Variants in INPP5A observed in about 807,000 individuals in gnomAD.
The protein encoded by INPP5A is inositol polyphosphate-5-phosphatase A.
In INPP5A, 14 loss-of-function variants were observed where a neutral mutation model predicts 65.2. The ratio of observed to expected loss-of-function variants is 0.21; its 90% confidence interval spans 0.14 to 0.34. The LOEUF (loss-of-function observed/expected upper bound fraction) is 0.34. Among genes scored for constraint, INPP5A ranks in the 10% least tolerant of loss-of-function variants. The pLI is 1.00. For missense variants in INPP5A, 431 were observed against 545.6 expected (o/e 0.79, Z 2.09); for synonymous variants, 207 against 208.3 (o/e 0.99, Z 0.05).
intron 9 of INPP5A, among the ~76,000 whole-genome samples, chr10:132,745,337 A>T (rs1460028125): frequency 6.6e-6 from 1 of 152,148 alleles, no homozygotes; most frequent in Non-Finnish European, 1.5e-5. Context: ...GGCCCCAGTG[A>T]CTAACGGATT....
At chr10:132,653,808 C>G (rs1376809438) in intron 4 of INPP5A, among the ~76,000 whole-genome samples, 1 of 152,236 alleles carries the variant, frequency 6.6e-6, no homozygotes, top group Non-Finnish European at 1.5e-5. Context: ...GCAGATCGTA[C>G]GGCAGCCTTC....
chr10:132,614,354 C>T (rs1385498986), intron 2 of INPP5A, among the ~76,000 whole-genome samples: 1 of 152,162 alleles, frequency 6.6e-6, no homozygotes, highest in Non-Finnish European at 1.5e-5. Flanking sequence ...GTAATCTCAG[C>T]TACTTGGGAG....
chr10:132,759,391 A>G (rs185751976), intron 11 of INPP5A, among the ~76,000 whole-genome samples: 2 of 152,146 alleles, frequency 1.3e-5, no homozygotes, highest in Non-Finnish European at 1.5e-5. Context: ...CTGTGGCCAC[A>G]CTCCGTGGCT....
chr10:132,686,481 G>A (rs1178820663), intron 4 of INPP5A, among the ~76,000 whole-genome samples: 1 of 152,212 alleles, frequency 6.6e-6, no homozygotes, highest in Non-Finnish European at 1.5e-5. Flanking sequence ...CTTCCTGTCG[G>A]CAGGCCCCGG....
At chr10:132,583,371 T>C (rs1343124291) in intron 1 of INPP5A, among the ~76,000 whole-genome samples, 1 of 152,174 alleles carries the variant, frequency 6.6e-6, no homozygotes, top group Admixed American at 6.5e-5. Flanking sequence ...AGCACCTTTT[T>C]CTCCAGGCTT....
chr10:132,763,230 C>T (rs1009081441), intron 11 of INPP5A, among the ~76,000 whole-genome samples: 2 of 152,234 alleles, frequency 1.3e-5, no homozygotes, highest in Admixed American at 1.3e-4. Flanking sequence ...ATAGATGCTC[C>T]TGGGCAGGCC....
At chr10:132,652,157 C>T (rs765177193) in intron 4 of INPP5A, among the ~76,000 whole-genome samples, 4 of 152,162 alleles carry the variant, frequency 2.6e-5, no homozygotes, top group East Asian at 1.9e-4. Context: ...CATGACCCAA[C>T]GTAATGTGTT....
At chr10:132,779,046 T>C (rs1847114483) in intron 13 of INPP5A, among the ~76,000 whole-genome samples, 1 of 152,238 alleles carries the variant, frequency 6.6e-6, no homozygotes, top group Non-Finnish European at 1.5e-5. Flanking sequence ...GGAGCCTGCC[T>C]GGTGGGGGCC....
rs138482496 is a variant in INPP5A at position 132,677,190 on chromosome 10, C to G, written c.307-13202C>G. 4.7e-3 allele frequency among the ~76,000 whole-genome samples: 718 copies of G among 152,366 alleles called. 2 individuals are homozygous for G. Among genetic ancestry groups the G allele is most frequent in the Non-Finnish European group, 7.5e-3 (509 of 68,044 alleles). ...GAGGTGTCTGAAGCTGTTTCAGCCT[C>G]TGCAGGTCCATGGCTGGACGCTGTC... On this transcript the variant is annotated intron_variant, in intron 4 of 15. Transcript: ENST00000368594.
rs1442593413 is a variant in INPP5A at position 132,627,559 on chromosome 10, CCCAGCTG to C, written c.118-18303_118-18297del. On this transcript the variant is annotated intron_variant, in intron 2 of 15. Transcript: ENST00000368594. The surrounding 1 kb of genome is among the most constrained non-coding windows in gnomAD (Gnocchi z 6.6). ...GGTCTGTCCCGACTCCCTCTGTGTC[CCCAGCTG>C]CCAGCAACGTGCAGCGGATGACAAG... Among the ~76,000 whole-genome samples, 8 of 152,174 alleles carry C rather than the reference CCCAGCTG, an allele frequency of 5.3e-5. No homozygotes were observed. The highest frequency in any genetic ancestry group is 1.9e-4 in the African/African-American group (8 of 41,424).
chr10:132,634,734 A>G (rs575618783), intron 2 of INPP5A, among the ~76,000 whole-genome samples: 2 of 152,322 alleles, frequency 1.3e-5, no homozygotes, highest in East Asian at 3.9e-4. Context: ...GGTCATCACG[A>G]ATGTTCTTCT....
At chr10:132,689,495 C>T (rs140050661) in intron 4 of INPP5A, among the ~76,000 whole-genome samples, 122 of 152,330 alleles carry the variant, frequency 8.0e-4, no homozygotes, top group African/African-American at 2.7e-3. Context: ...TGGTGAGATT[C>T]GCCCTCTTTG....
chr10:132,570,091 C>T (rs1271724677), intron 1 of INPP5A, among the ~76,000 whole-genome samples: 10 of 150,948 alleles, frequency 6.6e-5, no homozygotes, highest in African/African-American at 1.7e-4. Flanking sequence ...TGAGCCACCG[C>T]GCTGGGCCCC....
Position 132,591,703 on chromosome 10 carries a change from T to C in INPP5A, c.76-16212T>C, listed in dbSNP as rs1056356467. On this transcript the variant is annotated intron_variant, in intron 1 of 15. Transcript: ENST00000368594. ...CCTCCTGCTTTCCTGGATTCTCCTG[T>C]TGTCTGTCCTTTTTCTGCCTGCTTC... Among the ~76,000 whole-genome samples, 11 of 152,210 alleles carry C rather than the reference T, an allele frequency of 7.2e-5. 1 individual carries two copies. Among genetic ancestry groups the C allele is most frequent in the Admixed American group, 5.9e-4 (9 of 15,282 alleles).
At chr10:132,588,281 C>T (rs1031120766) in intron 1 of INPP5A, among the ~76,000 whole-genome samples, 2 of 152,132 alleles carry the variant, frequency 1.3e-5, no homozygotes, top group African/African-American at 4.8e-5. Context: ...CTGTGAGGTT[C>T]AGCTAACAGG....
chr10:132,641,951 C>T (rs2072431609), intron 2 of INPP5A, among the ~76,000 whole-genome samples: 1 of 152,242 alleles, frequency 6.6e-6, no homozygotes, highest in Non-Finnish European at 1.5e-5. Flanking sequence ...TGTGCATGGT[C>T]AGGGTGTGGA....
chr10:132,690,016 TG>T (rs1845230947), intron 4 of INPP5A, among the ~76,000 whole-genome samples: 6 of 152,166 alleles, frequency 3.9e-5, no homozygotes, highest in African/African-American at 1.4e-4. Flanking sequence ...CAGCACCGGC[TG>T]CACGGCTCAC....
chr10:132,749,454 G>A, intron 9 of INPP5A, 63 bp from the exon 10 acceptor site: 8 of 1,447,460 alleles, frequency 5.5e-6, no homozygotes, highest in Non-Finnish European at 7.7e-6. Flanking sequence ...CGGGGTGTCG[G>A]GTGACGCTGC....
intron 6 of INPP5A, among the ~76,000 whole-genome samples, chr10:132,703,677 G>A (rs1332419839): frequency 3.2e-5 from 2 of 62,088 alleles, no homozygotes; most frequent in Non-Finnish European, 5.9e-5. Flanking sequence ...CACACGTGCA[G>A]CTTCACCCCC....
Sources: allele counts gnomAD v4.1 joint callset (sites outside exome capture counted in the v4.1 genomes callset), GRCh38; gene constraint gnomAD v4.1.1; non-coding constraint Gnocchi (gnomAD v3.1); transcripts MANE v1.5; gene names NCBI Gene and HGNC (gene_info 2026-07-23, HGNC 2026-07-21).